Variants in STK32B observed in about 807,000 individuals in gnomAD.
STK32B encodes the protein serine/threonine-protein kinase 32B.
A neutral mutation model predicts 52.6 loss-of-function variants in STK32B; 43 were observed. The ratio of observed to expected loss-of-function variants is 0.82; its 90% CI spans 0.64 to 1.05. The LOEUF is 1.05. Ranked by LOEUF, STK32B falls within the 50% of genes least tolerant of loss-of-function variation. The pLI is 0.00. For missense variants in STK32B, 621 were observed against 534.6 expected (o/e 1.16, Z -1.59); for synonymous variants, 238 against 204.3 (o/e 1.17, Z -1.41).
At chr4:5,134,982 G>A (rs573106744) in intron 1 of STK32B, among the ~76,000 whole-genome samples, 1 of 152,300 alleles carries the variant, frequency 6.6e-6, no homozygotes, top group South Asian at 2.1e-4. Context: ...GAAATAACTG[G>A]TCTAGTGGAA....
In STK32B at chr4:5,170,295, T is replaced by TTTTTTA. The variant is rs140788301; in HGVS notation, c.260+1866_260+1871dup. Among the ~76,000 whole-genome samples the TTTTTTA allele has an allele frequency of 1.2e-3, 176 of 152,132 alleles. 2 individuals are homozygous for TTTTTTA. In the East Asian group the frequency reaches 0.029, roughly 25 times the overall value. ...TGGAGTAGCCTTTACTTAGGCACCT[T>TTTTTTA]TTTTTATTTTTATTTTTATTTTTAT... On this transcript the variant is annotated intron_variant, in intron 3 of 11. Coordinates refer to ENST00000282908, the MANE Select transcript of STK32B (RefSeq NM_018401.3).
intron 3 of STK32B, among the ~76,000 whole-genome samples, chr4:5,243,198 TC>T (rs1725170555): frequency 6.6e-6 from 1 of 152,236 alleles, no homozygotes; most frequent in Non-Finnish European, 1.5e-5. Flanking sequence ...TATTGATTCT[TC>T]CTACCCATGA....
chr4:5,463,297 T>G (rs907329506), intron 9 of STK32B, among the ~76,000 whole-genome samples: 1 of 151,932 alleles, frequency 6.6e-6, no homozygotes, highest in Non-Finnish European at 1.5e-5. Flanking sequence ...GAGTGCTGTC[T>G]GAGCCTTCCC....
intron 4 of STK32B, among the ~76,000 whole-genome samples, chr4:5,388,040 C>T (rs568727037): frequency 9.2e-5 from 14 of 152,320 alleles, no homozygotes; most frequent in African/African-American, 2.2e-4. Context: ...CCACCACTCC[C>T]GGCCACTTCT....
intron 5 of STK32B, among the ~76,000 whole-genome samples, chr4:5,412,877 A>T (rs1271751914): frequency 6.6e-6 from 1 of 152,124 alleles, no homozygotes; most frequent in East Asian, 1.9e-4. Context: ...GAGTCCGATC[A>T]TATCAAAACC....
chr4:5,439,177 C>T (rs1383538479), intron 6 of STK32B, among the ~76,000 whole-genome samples: 4 of 149,224 alleles, frequency 2.7e-5, no homozygotes, highest in African/African-American at 9.8e-5. Flanking sequence ...GGAATCGCCA[C>T]ACTGACTTCC....
At chr4:5,057,006 C>G (rs1742033988) in intron 1 of STK32B, among the ~76,000 whole-genome samples, 1 of 152,180 alleles carries the variant, frequency 6.6e-6, no homozygotes, top group Non-Finnish European at 1.5e-5. Flanking sequence ...CGTTTGATTC[C>G]ACATCCACCT....
chr4:5,331,012 A>G (rs1732206094), intron 3 of STK32B, among the ~76,000 whole-genome samples: 1 of 152,162 alleles, frequency 6.6e-6, no homozygotes, highest in East Asian at 1.9e-4. Flanking sequence ...TTGCTATGTA[A>G]GAAATGAGGA....
intron 1 of STK32B, among the ~76,000 whole-genome samples, chr4:5,099,049 G>A (rs1713558000): frequency 6.6e-6 from 1 of 152,182 alleles, no homozygotes; most frequent in Non-Finnish European, 1.5e-5. Context: ...GGTGTCAGAA[G>A]GGATAGTTCT....
chr4:5,273,805 A>G (rs1170381781), intron 3 of STK32B, among the ~76,000 whole-genome samples: 1 of 135,270 alleles, frequency 7.4e-6, no homozygotes, highest in Non-Finnish European at 1.5e-5. Context: ...GATCACATGG[A>G]CACAGGAAGG....
intron 1 of STK32B, among the ~76,000 whole-genome samples, chr4:5,074,971 C>G (rs138753329): frequency 6.6e-6 from 1 of 152,274 alleles, no homozygotes; most frequent in African/African-American, 2.4e-5. Context: ...CAACACTGGG[C>G]AGCTACTGAA....
intron 2 of STK32B, among the ~76,000 whole-genome samples, chr4:5,143,815 A>G (rs1447328356): frequency 1.3e-5 from 1 of 74,952 alleles, no homozygotes; most frequent in Non-Finnish European, 4.3e-5. Flanking sequence ...CTGACCTTCC[A>G]TCATTCATGC....
intron 3 of STK32B, among the ~76,000 whole-genome samples, chr4:5,267,459 A>T (rs1407113543): frequency 6.6e-6 from 1 of 152,114 alleles, no homozygotes; most frequent in Non-Finnish European, 1.5e-5. Context: ...CTAGGTAGGG[A>T]GAGACTCCTG....
At chr4:5,271,965 C>G (rs1015920454) in intron 3 of STK32B, among the ~76,000 whole-genome samples, 13 of 148,838 alleles carry the variant, frequency 8.7e-5, no homozygotes, top group Non-Finnish European at 1.9e-4. Context: ...GACAATTTGA[C>G]TTCTTCTTTT....
chr4:5,190,970 C>T (rs1721151257), intron 3 of STK32B, among the ~76,000 whole-genome samples: 1 of 152,208 alleles, frequency 6.6e-6, no homozygotes, highest in Non-Finnish European at 1.5e-5. Flanking sequence ...TACAACGTAA[C>T]ACTGCCTGCA....
At chr4:5,285,428 C>A (rs903253103) in intron 3 of STK32B, among the ~76,000 whole-genome samples, 1 of 152,002 alleles carries the variant, frequency 6.6e-6, no homozygotes. Flanking sequence ...CTATGTGTAG[C>A]CTATTTACAA....
chr4:5,093,108 A>G (rs2108785349), intron 1 of STK32B, among the ~76,000 whole-genome samples: 1 of 152,338 alleles, frequency 6.6e-6, no homozygotes, highest in East Asian at 1.9e-4. Context: ...TTTGAAAAAA[A>G]CTTGCAGAAG....
chr4:5,443,434 A>T (rs916273877), intron 6 of STK32B, among the ~76,000 whole-genome samples: 2 of 151,134 alleles, frequency 1.3e-5, no homozygotes, highest in Non-Finnish European at 2.9e-5. Flanking sequence ...GTAGTTCTCG[A>T]GCCTTGGTTT....
chr4:5,233,026 G>A (rs1291715114), intron 3 of STK32B, among the ~76,000 whole-genome samples: 2 of 152,110 alleles, frequency 1.3e-5, no homozygotes, highest in Non-Finnish European at 2.9e-5. Flanking sequence ...TGCTACTTGT[G>A]GTTTCCCTAA....
Sources: gnomAD v4.1 joint callset for allele counts (sites outside exome capture counted in the v4.1 genomes callset) on GRCh38, gnomAD v4.1.1 for gene constraint, MANE v1.5 for transcripts, NCBI Gene and HGNC (gene_info 2026-07-23, HGNC 2026-07-21) for gene names.